Variants in MYOF observed in about 807,000 individuals in gnomAD.
MYOF encodes myoferlin.
MYOF carries 244 observed loss-of-function variants against 284.2 expected under a neutral mutation model. The observed-to-expected ratio is 0.86, with a 90% CI of 0.77 to 0.95. The LOEUF is 0.95. Ranked by LOEUF, MYOF falls within the 40% of genes least tolerant of loss-of-function variation. MYOF has a pLI of 0.00. For missense variants in MYOF, 2,496 were observed against 2,560.6 expected, an observed-to-expected ratio of 0.97 and a Z score of 0.54; for synonymous variants, 904 against 919.7, an observed-to-expected ratio of 0.98 and a Z score of 0.31.
chr10:93,330,831 T>C (rs1843263500), intron 43 of MYOF, among the ~76,000 whole-genome samples: 1 of 152,260 alleles, frequency 6.6e-6, no homozygotes, highest in East Asian at 1.9e-4. Flanking sequence ...GAGCCAGGAA[T>C]GTTGATCCAT....
intron 1 of MYOF, among the ~76,000 whole-genome samples, chr10:93,457,802 C>T (rs1334967097): frequency 8.8e-5 from 13 of 148,062 alleles, no homozygotes; most frequent in South Asian, 2.1e-4. Context: ...GGCACTATTT[C>T]GGCTCACTGC....
chr10:93,440,342 G>A (rs909243810), intron 3 of MYOF, among the ~76,000 whole-genome samples: 9 of 151,986 alleles, frequency 5.9e-5, no homozygotes, highest in Non-Finnish European at 1.3e-4. Context: ...AACCCGGGAG[G>A]CAGAGGTTGC....
rs1170976167 is a variant in MYOF, at chr10:93,387,944, T to C, written c.1582-31A>G. On this transcript the variant is annotated intron_variant, in intron 18 of 53. Transcript: ENST00000359263. ...AGGCAATAATCCAGGATTATTCCTCTAGGCAGCAACAGCAAAAAGAATTCT... is the reference window on the plus strand; with the variant it reads ...AGGCAATAATCCAGGATTATTCCTCCAGGCAGCAACAGCAAAAAGAATTCT... 2.6e-6 allele frequency: 4 copies of C among 1,553,958 alleles called. No individual in the cohort carries two copies. The African/African-American group carries it at 4.1e-5, about 16-fold the overall frequency.
chr10:93,441,591 T>C (rs1384897249), intron 3 of MYOF, among the ~76,000 whole-genome samples: 3 of 141,248 alleles, frequency 2.1e-5, no homozygotes, highest in African/African-American at 8.1e-5. Context: ...TGAGACAGAG[T>C]CTCACTCTGT....
At chr10:93,430,893 G>C (rs1441978838) in intron 4 of MYOF, among the ~76,000 whole-genome samples, 7 of 152,110 alleles carry the variant, frequency 4.6e-5, no homozygotes, top group Admixed American at 4.6e-4. Context: ...ACTTGAGAAA[G>C]ATCACCAGAA....
Position 93,354,230 on chromosome 10 carries a change from T to C in MYOF, c.3404-342A>G, listed in dbSNP as rs566180410. ...GTGTCTCTACTAAAAATTCAAAAAT[T>C]AGCTGGGCATGGTGGTGCACGTCTG... On this transcript the variant is annotated intron_variant, in intron 31 of 53. Transcript: ENST00000359263. 3.5e-4 allele frequency among the ~76,000 whole-genome samples: 54 copies of C among 152,148 alleles called. 1 individual carries two copies. The highest frequency in any genetic ancestry group is 1.5e-5 in the Non-Finnish European group (1 of 68,008).
chr10:93,340,966 G>A (rs770779075), intron 38 of MYOF, among the ~76,000 whole-genome samples: 5 of 152,110 alleles, frequency 3.3e-5, no homozygotes, highest in East Asian at 1.9e-4. Flanking sequence ...CTCTTCCTCC[G>A]GTTGCCATGT....
chr10:93,326,814 AG>A lies in MYOF; in HGVS notation c.5132-850del, dbSNP rs569379143. 1.1e-3 allele frequency among the ~76,000 whole-genome samples: 163 copies of A among 151,904 alleles called. 1 individual carries two copies. The highest frequency in any genetic ancestry group is 3.7e-3 in the African/African-American group (155 of 41,334). ...TAATTTTTGTATTTTTAGTAGAGAG[AG>A]GGTTTCACTATGTTGGCCAGGCTGG... On this transcript the variant is annotated intron_variant, in intron 45 of 53. Transcript: ENST00000359263.
intron 16 of MYOF, among the ~76,000 whole-genome samples, chr10:93,394,448 C>CTCTTTTTTTTTTTTTTTTTTTTT (rs1846871495): frequency 3.5e-5 from 1 of 28,698 alleles, no homozygotes. Context: ...ACCATCTTGT[C>CTCTTTTTTTTTTTTTTTTTTTTT]TTTTTTTTTT....
At chr10:93,363,342 T>A (rs1487929764) in intron 27 of MYOF, among the ~76,000 whole-genome samples, 1 of 152,210 alleles carries the variant, frequency 6.6e-6, no homozygotes, top group Admixed American at 6.5e-5. Flanking sequence ...CTTGGATTTT[T>A]TAAAGACAGA....
At chr10:93,325,679 C>A in intron 46 of MYOF, 147 bp downstream of exon 46, 2 of 1,087,818 alleles carry the variant, frequency 1.8e-6, no homozygotes, top group Non-Finnish European at 2.6e-6. Flanking sequence ...AAAAAAATTC[C>A]CTTTTGATAT....
intron 1 of MYOF, among the ~76,000 whole-genome samples, chr10:93,470,228 CAA>C (rs1284508641): frequency 9.3e-5 from 7 of 75,126 alleles, no homozygotes; most frequent in Admixed American, 1.5e-4. Context: ...GACTCCATCT[CAA>C]AAAAAAAAAA....
In MYOF at chr10:93,316,816, A is replaced by C. The variant is rs771222284; in HGVS notation, c.5599-3T>G. 1 of 1,609,874 alleles carries C rather than the reference A, an allele frequency of 6.2e-7. No individual in the cohort carries two copies. Among genetic ancestry groups the C allele is most frequent in the Admixed American group, 1.7e-5 (1 of 59,988 alleles). ...TGGTCAATACTCCAGAAATGCTCCT[A>C]AAACAAAAAGAAACATGATCATGAT... is the stretch of plus-strand genomic sequence containing the variant. On this transcript the variant is annotated splice_polypyrimidine_tract_variant and splice_region_variant and intron_variant, in intron 49 of 53. Transcript: ENST00000359263.
chr10:93,311,997 G>T (rs955357579), intron 51 of MYOF, among the ~76,000 whole-genome samples: 12 of 152,174 alleles, frequency 7.9e-5, no homozygotes, highest in African/African-American at 2.9e-4. Flanking sequence ...GTGATGGGAA[G>T]GTTCTGGATC....
chr10:93,416,202 C>T (rs1848111255), intron 5 of MYOF, among the ~76,000 whole-genome samples: 1 of 152,196 alleles, frequency 6.6e-6, no homozygotes, highest in Non-Finnish European at 1.5e-5. Flanking sequence ...TCCTGGCATT[C>T]GCAAACAGAA....
intron 45 of MYOF, among the ~76,000 whole-genome samples, chr10:93,328,311 T>C (rs1202444585): frequency 1.3e-5 from 2 of 152,202 alleles, no homozygotes; most frequent in African/African-American, 4.8e-5. Context: ...TATAAATTGC[T>C]GGTTGGGAAA....
chr10:93,353,005 A>T (rs1380323540), intron 32 of MYOF, among the ~76,000 whole-genome samples: 5 of 152,200 alleles, frequency 3.3e-5, no homozygotes, highest in Non-Finnish European at 7.3e-5. Context: ...AGTGTCAGTC[A>T]AATGCTTTAA....
chr10:93,391,238 C>T (rs971644070), intron 17 of MYOF, among the ~76,000 whole-genome samples: 1 of 152,194 alleles, frequency 6.6e-6, no homozygotes, highest in African/African-American at 2.4e-5. Context: ...TTTCATTGTG[C>T]ATTAACAGAA....
chr10:93,340,574 C>T (rs1843852740), intron 38 of MYOF, among the ~76,000 whole-genome samples: 1 of 152,156 alleles, frequency 6.6e-6, no homozygotes, highest in South Asian at 2.1e-4. Context: ...TTAAATATAT[C>T]TCCGAACTTG....
Sources: allele counts gnomAD v4.1 joint callset (sites outside exome capture counted in the v4.1 genomes callset), GRCh38; gene constraint gnomAD v4.1.1; transcripts MANE v1.5; gene names NCBI Gene and HGNC (gene_info 2026-07-23, HGNC 2026-07-21).